Variants in ALPK3 observed in about 807,000 individuals in gnomAD.
ALPK3 encodes the protein alpha-protein kinase 3.
Under a neutral mutation model 140.0 loss-of-function variants are expected in ALPK3, and 102 were observed. The observed-to-expected ratio is 0.73, with a 90% CI of 0.62 to 0.86. The LOEUF (loss-of-function observed/expected upper bound fraction) is 0.86, where lower values mean the gene tolerates loss of function less well. Ranked by LOEUF, ALPK3 falls within the 40% of genes least tolerant of loss-of-function variation. ALPK3 has a pLI of 0.00. For synonymous variants in ALPK3, 938 were observed against 898.5 expected, an observed-to-expected ratio of 1.04 and a Z score of -0.79; for missense variants, 2,254 against 2,208.2, an observed-to-expected ratio of 1.02 and a Z score of -0.42.
chr15:84,859,795 G>T lies in ALPK3; in HGVS notation c.3985G>T (p.Ala1329Ser), dbSNP rs1450160627. The T allele has an allele frequency of 6.2e-7, 1 of 1,613,030 alleles. No individual in the cohort carries two copies. The highest frequency in any genetic ancestry group is 1.7e-5 in the Admixed American group (1 of 59,994). The part of the protein sequence containing the change: ...VGRSAGDEGP[A>S]ALAIVQASPV... ...CTGCAGCGCAGGGGATGAGGGGCCG[G>T]CGGCCTTGGCCATCGTGCAGGCCTC... Residue 1329 changes from alanine (A) to serine (S), a missense_variant, in exon 8 of 14, where the codon GCG becomes TCG. Transcript: ENST00000258888.
chr15:84,823,268 G>T, intron 1 of ALPK3, 62 bp from the exon 2 acceptor site: 1 of 1,589,674 alleles, frequency 6.3e-7, no homozygotes, highest in Non-Finnish European at 8.6e-7. Context: ...TGCGACTGTT[G>T]ATTTCGCCTA....
At chr15:84,836,490 A>G (rs547963193) in intron 3 of ALPK3, among the ~76,000 whole-genome samples, 2 of 152,186 alleles carry the variant, frequency 1.3e-5, no homozygotes, top group Non-Finnish European at 2.9e-5. Context: ...GATTCTAGAT[A>G]TATTCTAAGG....
At chr15:84,826,287 C>T (rs1963488004) in intron 2 of ALPK3, among the ~76,000 whole-genome samples, 2 of 152,190 alleles carry the variant, frequency 1.3e-5, no homozygotes, top group Admixed American at 1.3e-4. Context: ...CTCTCTTAGC[C>T]CCTGGCAGAG....
intron 9 of ALPK3, among the ~76,000 whole-genome samples, chr15:84,861,893 A>C (rs927969642): frequency 2.0e-5 from 3 of 152,162 alleles, no homozygotes; most frequent in Non-Finnish European, 2.9e-5. Context: ...ATGGATTTTT[A>C]ACATATTTGA....
At position 84,853,383 on chromosome 15, in the gene ALPK3, T is replaced by TGGGTAGA. The variant is rs202121542; in HGVS notation, c.1654-3008_1654-3002dup. Among the ~76,000 whole-genome samples the TGGGTAGA allele has an allele frequency of 6.4e-3, 972 of 152,240 alleles. 5 individuals are homozygous for TGGGTAGA. Among genetic ancestry groups the TGGGTAGA allele is most frequent in the East Asian group, 0.01 (53 of 5,180 alleles). On this transcript the variant is annotated intron_variant, in intron 5 of 13. Transcript: ENST00000258888. ...ATTCCAGCACTTCTGGAGGCCGAGG[T>TGGGTAGA]GGGTAGATCATTTGAGGCCAGGAGT...
intron 6 of ALPK3, among the ~76,000 whole-genome samples, 169 bp downstream of exon 6, chr15:84,858,724 T>G (rs1963901584): frequency 6.6e-6 from 1 of 152,234 alleles, no homozygotes; most frequent in South Asian, 2.1e-4. Context: ...GGCCTGGTTC[T>G]TGTTTTGATT....
intron 5 of ALPK3, among the ~76,000 whole-genome samples, chr15:84,847,875 A>T (rs1228390673): frequency 6.6e-6 from 1 of 152,094 alleles, no homozygotes; most frequent in East Asian, 1.9e-4. Context: ...CCTGACCAAC[A>T]TGGTGAAACC....
At position 84,826,945 on chromosome 15, in the gene ALPK3, T is replaced by C. The variant is rs377401452; in HGVS notation, c.183-539T>C. On this transcript the variant is annotated intron_variant, in intron 2 of 13. Coordinates refer to ENST00000258888, the MANE Select transcript of ALPK3 (RefSeq NM_020778.5). ...CATTGGCCAGCTTATTCTTTGTCCA[T>C]TGTGGGTCTGCACTCACAAATGTAG... Among the ~76,000 whole-genome samples the C allele has an allele frequency of 2.0e-5, 3 of 152,178 alleles. No homozygotes were observed. The East Asian group carries it at 5.8e-4, about 29-fold the overall frequency.
At chr15:84,848,344 A>G (rs970723476) in intron 5 of ALPK3, among the ~76,000 whole-genome samples, 4 of 152,170 alleles carry the variant, frequency 2.6e-5, no homozygotes, top group African/African-American at 4.8e-5. Context: ...AAAGAGACCT[A>G]TATGATGGTG....
At position 84,847,208 on chromosome 15, in the gene ALPK3, G is replaced by GAGAGAGAGAGAGAGA. The variant is rs373039929; in HGVS notation, c.1653+6276_1653+6277insAGAGAGAGAGAGAGA. Among the ~76,000 whole-genome samples, 584 of 116,620 alleles carry GAGAGAGAGAGAGAGA rather than the reference G, an allele frequency of 5.0e-3. 36 individuals carry two copies. Among genetic ancestry groups the GAGAGAGAGAGAGAGA allele is most frequent in the Admixed American group, 6.3e-3 (72 of 11,400 alleles). The allele number at this position is 116,620 out of a possible 152,430, so 76.5% of individuals were successfully genotyped here. On this transcript the variant is annotated intron_variant, in intron 5 of 13. Coordinates refer to ENST00000258888, the MANE Select transcript of ALPK3 (RefSeq NM_020778.5). ...GAGAGAGGAAGGGAGGGAGAAACGGGGAGAGAGAGAGAGAGAGAGAGAGAG... is the reference window on the plus strand; with the variant it reads ...GAGAGAGGAAGGGAGGGAGAAACGGGAGAGAGAGAGAGAGAGAGAGAGAGAGAGAGAGAGAGAGAG...
chr15:84,820,311 T>C (rs1009549244), intron 1 of ALPK3, among the ~76,000 whole-genome samples: 1 of 152,066 alleles, frequency 6.6e-6, no homozygotes, highest in Non-Finnish European at 1.5e-5. Context: ...TCAGCATGGG[T>C]CAGCCAGGCT....
intron 10 of ALPK3, 151 bp from the exon 11 acceptor site, chr15:84,863,401 G>T: frequency 1.6e-6 from 1 of 631,038 alleles, no homozygotes; most frequent in Non-Finnish European, 2.7e-6. Flanking sequence ...ATGCAGAGTG[G>T]GGAGCAGGGA....
intron 3 of ALPK3, among the ~76,000 whole-genome samples, chr15:84,838,519 C>T (rs1217721260): frequency 6.6e-6 from 1 of 152,062 alleles, no homozygotes; most frequent in East Asian, 1.9e-4. Context: ...TGGCTCGGTT[C>T]TTCCAGCAAG....
At chr15:84,829,649 CGTGA>C (rs1402307597) in intron 3 of ALPK3, among the ~76,000 whole-genome samples, 28 of 152,288 alleles carry the variant, frequency 1.8e-4, no homozygotes, top group African/African-American at 5.8e-4. Flanking sequence ...GTTTATACAT[CGTGA>C]GTATCTGGGA....
intron 5 of ALPK3, among the ~76,000 whole-genome samples, chr15:84,853,465 T>C (rs1002120893): frequency 6.6e-6 from 1 of 152,040 alleles, no homozygotes; most frequent in Admixed American, 6.6e-5. Context: ...AATACAAAAA[T>C]TAGCTGGGCG....
At chr15:84,838,600 CATTATTATT>C (rs10625181) in intron 3 of ALPK3, among the ~76,000 whole-genome samples, 1,711 of 115,034 alleles carry the variant, frequency 0.015, 38 homozygotes, top group African/African-American at 0.052. Flanking sequence ...TCTCTCCTCC[CATTATTATT>C]ATTATTATTA....
At chr15:84,830,787 G>T (rs1186353074) in intron 3 of ALPK3, among the ~76,000 whole-genome samples, 2 of 152,002 alleles carry the variant, frequency 1.3e-5, no homozygotes, top group African/African-American at 4.8e-5. Flanking sequence ...AGCCTCAACC[G>T]CCCCGGCTCA....
intron 4 of ALPK3, 68 bp from the exon 5 acceptor site, chr15:84,839,634 G>T: frequency 6.6e-7 from 1 of 1,518,058 alleles, no homozygotes; most frequent in Non-Finnish European, 8.8e-7. Context: ...GAACGGCTCT[G>T]GCTGGGGGGT....
At position 84,817,370 on chromosome 15, in the gene ALPK3, C is replaced by G. The variant is rs1015886974; in HGVS notation, c.-83C>G. On this transcript the variant is annotated 5_prime_UTR_variant, in exon 1 of 14. Transcript: ENST00000258888. Reference sequence around the variant, plus strand: ...CAGCCGCGGGCGGGAGCGGCGGCGGCGGGCAGGGGCCCGGGGGCCGGGGCC... The same window carrying G: ...CAGCCGCGGGCGGGAGCGGCGGCGGGGGGCAGGGGCCCGGGGGCCGGGGCC... The G allele has an allele frequency of 6.6e-5, 81 of 1,224,388 alleles. No homozygotes were observed. The highest frequency in any genetic ancestry group is 7.6e-5 in the Non-Finnish European group (75 of 984,590). The allele number at this position is 1,224,388 out of a possible 1,614,324, so 75.8% of individuals were successfully genotyped here. A position where few individuals can be genotyped will look rare whatever the true frequency, so the allele number is the denominator to read the frequency against.
Sources: gnomAD v4.1 joint callset for allele counts (sites outside exome capture counted in the v4.1 genomes callset) on GRCh38, gnomAD v4.1.1 for gene constraint, MANE v1.5 for transcripts, NCBI Gene and HGNC (gene_info 2026-07-23, HGNC 2026-07-21) for gene names.